The following STAT4 variants were observed in gnomAD, a reference collection of about 807,000 sequenced individuals.
STAT4 encodes the protein signal transducer and activator of transcription 4.
Under a neutral mutation model 110.5 loss-of-function variants are expected in STAT4, and 42 were observed. That is an observed-to-expected ratio of 0.38 (90% confidence interval 0.30 to 0.49). STAT4 has a LOEUF of 0.49. Among genes scored for constraint, STAT4 ranks in the 20% least tolerant of loss-of-function variants. The probability of loss-of-function intolerance (pLI) is 0.95; values close to 1 mark genes in which losing one functional copy is unlikely to be tolerated. For synonymous variants in STAT4, 284 were observed against 302.2 expected (o/e 0.94, Z 0.63); for missense variants, 632 against 887.9 (o/e 0.71, Z 3.66).
Position 191,031,205 on chromosome 2 carries a change from A to G in STAT4, c.2112-125T>C. ...TTTGTGACATTGAGTTATCTAATTC[A>G]TCATTTCATATCAGAACACTCAACT... On this transcript the variant is annotated intron_variant, in intron 22 of 23. Coordinates refer to ENST00000392320, the MANE Select transcript of STAT4 (RefSeq NM_003151.4). This position sits in a 1 kb window ranked among gnomAD's most constrained non-coding sequence, Gnocchi z 4.8. The G allele has an allele frequency of 2.0e-6, 2 of 1,018,836 alleles. No homozygotes were observed. Among genetic ancestry groups the G allele is most frequent in the Non-Finnish European group, 2.9e-6 (2 of 678,884 alleles). The allele number at this position is 1,018,836 out of a possible 1,614,324, so 63.1% of individuals were successfully genotyped here. A position where few individuals can be genotyped will look rare whatever the true frequency, so the allele number is the denominator to read the frequency against.
chr2:191,040,791 A>T (rs1359789505), intron 15 of STAT4, among the ~76,000 whole-genome samples: 1 of 152,096 alleles, frequency 6.6e-6, no homozygotes, highest in Non-Finnish European at 1.5e-5. Flanking sequence ...CTCAAATTCC[A>T]GGGCTCAAGC....
rs1488242445 is a variant in STAT4, at chr2:191,140,171, T to C, written c.273+6442A>G. ...GAACATAACATTGGAAAAATACTTC[T>C]AGGCATTGGCTTAGGCAAAGAATTC... is the stretch of plus-strand genomic sequence containing the variant. On this transcript the variant is annotated intron_variant, in intron 3 of 23. Coordinates refer to ENST00000392320, the MANE Select transcript of STAT4 (RefSeq NM_003151.4). The surrounding 1 kb of genome is among the most constrained non-coding windows in gnomAD (Gnocchi z 4.4). Among the ~76,000 whole-genome samples the C allele has an allele frequency of 2.0e-5, 3 of 152,176 alleles. No homozygotes were observed. Among genetic ancestry groups the C allele is most frequent in the East Asian group, 3.8e-4 (2 of 5,204 alleles).
chr2:191,088,142 C>G (rs760735793), intron 3 of STAT4, among the ~76,000 whole-genome samples: 1 of 152,134 alleles, frequency 6.6e-6, no homozygotes, highest in Non-Finnish European at 1.5e-5. Context: ...TCCATAGACA[C>G]AGTGACTGTC....
intron 3 of STAT4, among the ~76,000 whole-genome samples, chr2:191,088,509 T>C (rs1238125218): frequency 6.6e-6 from 1 of 152,324 alleles, no homozygotes; most frequent in African/African-American, 2.4e-5. Flanking sequence ...TCCCCACTTA[T>C]CTATAGATTC....
Position 191,135,881 on chromosome 2 carries a change from A to T in STAT4, c.273+10732T>A, listed in dbSNP as rs1194848322. 6.6e-6 allele frequency among the ~76,000 whole-genome samples: 1 copy of T among 152,122 alleles called. No homozygotes were observed. The highest frequency in any genetic ancestry group is 2.4e-5 in the African/African-American group (1 of 41,422). On this transcript the variant is annotated intron_variant, in intron 3 of 23. Transcript: ENST00000392320. This position sits in a 1 kb window ranked among gnomAD's most constrained non-coding sequence, Gnocchi z 4.8. ...CCCTAGCTCGTTCTATGCCAGCACTACCCTGGTACCAAAACCAGACAAGGA... is the reference window on the plus strand; with the variant it reads ...CCCTAGCTCGTTCTATGCCAGCACTTCCCTGGTACCAAAACCAGACAAGGA...
At chr2:191,080,516 C>A (rs1264697867) in intron 3 of STAT4, among the ~76,000 whole-genome samples, 1 of 152,112 alleles carries the variant, frequency 6.6e-6, no homozygotes, top group Non-Finnish European at 1.5e-5. Context: ...TTGATGCTGG[C>A]ACTTTCTTGA....
chr2:191,057,994 GTTTAAC>G lies in STAT4; in HGVS notation c.1206+18_1206+23del. 1.3e-6 allele frequency: 2 copies of G among 1,592,922 alleles called. No individual in the cohort carries two copies. Among genetic ancestry groups the G allele is most frequent in the African/African-American group, 1.3e-5 (1 of 74,554 alleles). On this transcript the variant is annotated intron_variant, in intron 13 of 23. Transcript: ENST00000392320. The stretch of plus-strand genomic sequence containing the variant: ...TCTGATTTTGGGGAAAAAAAAGCCT[GTTTAAC>G]TTTACTGCCAAACTTACCAAATGTC...
intron 14 of STAT4, among the ~76,000 whole-genome samples, chr2:191,044,033 G>T (rs562551593): frequency 6.6e-6 from 1 of 150,560 alleles, no homozygotes; most frequent in Non-Finnish European, 1.5e-5. Flanking sequence ...TAAAGGCGGG[G>T]GTGGGGTGGG....
chr2:191,077,810 T>C lies in STAT4; in HGVS notation c.274-1485A>G, dbSNP rs1349164393. Among the ~76,000 whole-genome samples the C allele has an allele frequency of 6.6e-6, 1 of 152,154 alleles. No individual in the cohort carries two copies. Among genetic ancestry groups the C allele is most frequent in the Non-Finnish European group, 1.5e-5 (1 of 68,014 alleles). ...TCCTGCTCTTACATATTTTACAGTC[T>C]TCCAAACTCTTTCTTTTTTCTCTTT... On this transcript the variant is annotated intron_variant, in intron 3 of 23. Transcript: ENST00000392320. This position sits in a 1 kb window ranked among gnomAD's most constrained non-coding sequence, Gnocchi z 4.1.
At chr2:191,054,852 G>C (rs1434956352) in intron 13 of STAT4, among the ~76,000 whole-genome samples, 2 of 152,182 alleles carry the variant, frequency 1.3e-5, no homozygotes, top group African/African-American at 4.8e-5. Context: ...CGCCTGGAAA[G>C]CATCATTTTA....
At chr2:191,148,024 G>A in intron 2 of STAT4, 52 bp downstream of exon 2, 1 of 1,609,808 alleles carries the variant, frequency 6.2e-7, no homozygotes, top group East Asian at 2.2e-5. Flanking sequence ...CACATGGATA[G>A]AGCATCAGAC....
chr2:191,098,642 A>C (rs1296089575), intron 3 of STAT4, among the ~76,000 whole-genome samples: 1 of 152,234 alleles, frequency 6.6e-6, no homozygotes, highest in Non-Finnish European at 1.5e-5. Context: ...TAGCATTAGG[A>C]GAAATACCTA....
Position 191,104,352 on chromosome 2 carries a change from G to A in STAT4, c.274-28027C>T, listed in dbSNP as rs1171075745. On this transcript the variant is annotated intron_variant, in intron 3 of 23. Transcript: ENST00000392320. This position sits in a 1 kb window ranked among gnomAD's most constrained non-coding sequence, Gnocchi z 4.3. ...AAACTAATGAATTAGTTTTTCCCACGTTTAGTTCTCACTAACATTTATTTT... is the reference window on the plus strand; with the variant it reads ...AAACTAATGAATTAGTTTTTCCCACATTTAGTTCTCACTAACATTTATTTT... Among the ~76,000 whole-genome samples, 3 of 151,848 alleles carry A rather than the reference G, an allele frequency of 2.0e-5. No homozygotes were observed. Among genetic ancestry groups the A allele is most frequent in the Admixed American group, 6.6e-5 (1 of 15,232 alleles).
chr2:191,140,237 T>C lies in STAT4; in HGVS notation c.273+6376A>G, dbSNP rs1450701133. Among the ~76,000 whole-genome samples, 1 of 152,200 alleles carries C rather than the reference T, an allele frequency of 6.6e-6. No homozygotes were observed. The highest frequency in any genetic ancestry group is 1.9e-4 in the East Asian group (1 of 5,180). Reference sequence around the variant, plus strand: ...CAAGCAAATGCAACAAAAACAAAGATAAATAGATGGGACCTAATTAACTAA... The same window carrying C: ...CAAGCAAATGCAACAAAAACAAAGACAAATAGATGGGACCTAATTAACTAA... On this transcript the variant is annotated intron_variant, in intron 3 of 23. Coordinates refer to ENST00000392320, the MANE Select transcript of STAT4 (RefSeq NM_003151.4). This position sits in a 1 kb window ranked among gnomAD's most constrained non-coding sequence, Gnocchi z 4.4.
In STAT4 at chr2:191,064,960, TA is replaced by T. The variant is rs1365436972; in HGVS notation, c.631-3del. On this transcript the variant is annotated splice_polypyrimidine_tract_variant and splice_region_variant and intron_variant, in intron 7 of 23. Coordinates refer to ENST00000392320, the MANE Select transcript of STAT4 (RefSeq NM_003151.4). ...TTGGGTCATTTTACTGAGAGCCTCCTAAAAACAAAGGGGACTACTGAAGAGA... is the reference window on the plus strand; with the variant it reads ...TTGGGTCATTTTACTGAGAGCCTCCTAAAACAAAGGGGACTACTGAAGAGA... 1 of 1,595,730 alleles carries T rather than the reference TA, an allele frequency of 6.3e-7. No individual in the cohort carries two copies. Among genetic ancestry groups the T allele is most frequent in the South Asian group, 1.1e-5 (1 of 88,610 alleles).
At chr2:191,080,254 CATAG>C (rs1697424023) in intron 3 of STAT4, among the ~76,000 whole-genome samples, 1 of 151,984 alleles carries the variant, frequency 6.6e-6, no homozygotes, top group South Asian at 2.1e-4. Flanking sequence ...TTTATTTCAA[CATAG>C]ATATATATAT....
At chr2:191,048,840 T>A (rs1268498646) in intron 14 of STAT4, among the ~76,000 whole-genome samples, 1 of 131,620 alleles carries the variant, frequency 7.6e-6, no homozygotes, top group African/African-American at 2.8e-5. Context: ...AATGTTTGTA[T>A]CAAAGCCATC....
At position 191,077,561 on chromosome 2, in the gene STAT4, AC is replaced by A. The variant is rs1462635391; in HGVS notation, c.274-1237del. ...AGCAGAAAAAATAAAACAAAAATCCACAAAGTGGAAAATTAACAATAAAAAA... is the reference window on the plus strand; with the variant it reads ...AGCAGAAAAAATAAAACAAAAATCCAAAAGTGGAAAATTAACAATAAAAAA... On this transcript the variant is annotated intron_variant, in intron 3 of 23. Coordinates refer to ENST00000392320, the MANE Select transcript of STAT4 (RefSeq NM_003151.4). The surrounding 1 kb of genome is among the most constrained non-coding windows in gnomAD (Gnocchi z 4.1). Among the ~76,000 whole-genome samples the A allele has an allele frequency of 6.6e-6, 1 of 152,182 alleles. No individual in the cohort carries two copies. Among genetic ancestry groups the A allele is most frequent in the Non-Finnish European group, 1.5e-5 (1 of 68,014 alleles).
chr2:191,148,735 C>T (rs1056493213), intron 1 of STAT4, among the ~76,000 whole-genome samples: 1 of 152,088 alleles, frequency 6.6e-6, no homozygotes, highest in African/African-American at 2.4e-5. Flanking sequence ...TTCTTGACTT[C>T]TAGTCCAATT....
Sources: allele counts gnomAD v4.1 joint callset (sites outside exome capture counted in the v4.1 genomes callset), GRCh38; gene constraint gnomAD v4.1.1; non-coding constraint Gnocchi (gnomAD v3.1); transcripts MANE v1.5; gene names NCBI Gene and HGNC (gene_info 2026-07-23, HGNC 2026-07-21).